DMXL2: variants seen among roughly 807,000 people sequenced by gnomAD.
DMXL2 encodes dmX-like protein 2.
DMXL2 carries 103 observed loss-of-function variants against 331.1 expected under a neutral mutation model. The observed-to-expected ratio is 0.31, with a 90% confidence interval of 0.27 to 0.37. The LOEUF is 0.37. Ranked by LOEUF, DMXL2 falls within the 10% of genes least tolerant of loss-of-function variation. DMXL2 has a pLI of 1.00. For missense variants in DMXL2, 3,171 were observed against 3,642.9 expected, an observed-to-expected ratio of 0.87 and a Z score of 3.33; for synonymous variants, 1,281 against 1,252.1, an observed-to-expected ratio of 1.02 and a Z score of -0.49.
chr15:51,549,361 G>C (rs1428082971), intron 6 of DMXL2, among the ~76,000 whole-genome samples: 1 of 151,990 alleles, frequency 6.6e-6, no homozygotes, highest in South Asian at 2.1e-4. Context: ...TCCACTCATT[G>C]ACTGATGGGC....
chr15:51,497,607 C>T (rs2043274995), intron 18 of DMXL2, among the ~76,000 whole-genome samples: 1 of 152,278 alleles, frequency 6.6e-6, no homozygotes, highest in Admixed American at 6.5e-5. Flanking sequence ...TTTTCAGTTT[C>T]CTTTGCCAAT....
At chr15:51,503,554 T>C (rs1279129187) in intron 16 of DMXL2, among the ~76,000 whole-genome samples, 2 of 152,044 alleles carry the variant, frequency 1.3e-5, no homozygotes, top group African/African-American at 2.4e-5. Context: ...AATAGCATAA[T>C]AGATACCAGA....
intron 13 of DMXL2, among the ~76,000 whole-genome samples, chr15:51,530,170 C>A (rs2047921815): frequency 6.6e-6 from 1 of 152,086 alleles, no homozygotes; most frequent in Non-Finnish European, 1.5e-5. Context: ...AGATCTAGAA[C>A]ACAATAAGGA....
At chr15:51,555,902 A>G (rs1182396462) in intron 6 of DMXL2, among the ~76,000 whole-genome samples, 1 of 152,198 alleles carries the variant, frequency 6.6e-6, no homozygotes, top group East Asian at 1.9e-4. Context: ...AAACTATATC[A>G]ATCTTACATA....
chr15:51,508,471 C>T (rs909713257), intron 15 of DMXL2, among the ~76,000 whole-genome samples: 5 of 152,184 alleles, frequency 3.3e-5, no homozygotes, highest in Non-Finnish European at 5.9e-5. Flanking sequence ...ACAGGACCTA[C>T]TTCAAATGCT....
intron 1 of DMXL2, among the ~76,000 whole-genome samples, chr15:51,578,765 GTAGT>G (rs2051213930): frequency 1.3e-5 from 2 of 152,160 alleles, no homozygotes; most frequent in African/African-American, 4.8e-5. Context: ...TCAGTGAGGA[GTAGT>G]TAAATAAATT....
Position 51,568,523 on chromosome 15 carries a change from A to C in DMXL2, c.249T>G (p.Phe83Leu), listed in dbSNP as rs2050443046. 1 of 1,581,732 alleles carries C rather than the reference A, an allele frequency of 6.3e-7. No individual in the cohort carries two copies. ...TATGAGAATTTATGCCCAAGGGCTC[A>C]AATATACAAACAGCATTACCATATG... Reference protein sequence around the residue: ...AASYGNAVCIFEPLGINSHKR... With the variant: ...AASYGNAVCILEPLGINSHKR... Residue 83 changes from phenylalanine to leucine, a missense_variant, in exon 3 of 44, where the codon TTT (phenylalanine) becomes TTG (leucine). This residue lies in a region of DMXL2 where 1,674 missense variants were observed against 1,780.2 expected (regional missense o/e 0.94). Transcript: ENST00000560891.
In DMXL2 at chr15:51,545,765, C is replaced by A. The variant is rs1443260908; in HGVS notation, c.748G>T (p.Gly250Cys). 6.2e-7 allele frequency: 1 copy of A among 1,600,804 alleles called. No homozygotes were observed. The highest frequency in any genetic ancestry group is 8.5e-7 in the Non-Finnish European group (1 of 1,171,736). Reference sequence around the variant, plus strand: ...GTTAACAACACATTACAGACAGAACCCCTAACAACAAAGAGAAATAAATAA... The same window carrying A: ...GTTAACAACACATTACAGACAGAACACCTAACAACAAAGAGAAATAAATAA... Reference protein sequence around the residue: ...WRKTSKYMPRGSVCNVLLTSC... With the variant: ...WRKTSKYMPRCSVCNVLLTSC... Residue 250 changes from glycine to cysteine, a missense_variant and splice_region_variant, in exon 8 of 44, where the codon GGT (glycine) becomes TGT (cysteine). Around this residue, in one of 7 missense-constraint regions of DMXL2, gnomAD observed 1,674 missense variants for 1,780.2 expected, o/e 0.94. Transcript: ENST00000560891.
Position 51,488,066 on chromosome 15 carries a change from T to A in DMXL2, c.5105A>T (p.Asp1702Val). The A allele has an allele frequency of 6.2e-7, 1 of 1,613,226 alleles. No individual in the cohort carries two copies. The highest frequency in any genetic ancestry group is 1.1e-5 in the South Asian group (1 of 90,812). ...TTTCAAAGCAGCTTTTCGCCATCTA[T>A]CTTCATTAAAGTTGTGGCTGAAAAA... ...TTFFSHNFNE[D>V]RWRKAALKNA... The change falls in exon 22 of 44, where the codon GAT becomes GTT. Residue 1702 changes from aspartate (D) to valine (V), a missense_variant. This residue lies in a region of DMXL2 where 252 missense variants were observed against 387.4 expected (regional missense o/e 0.65). Coordinates refer to ENST00000560891, the MANE Select transcript of DMXL2 (RefSeq NM_001378457.1).
Position 51,532,319 on chromosome 15 carries a change from G to C in DMXL2, c.2436+3344C>G, listed in dbSNP as rs1050143236. Among the ~76,000 whole-genome samples, 3 of 152,162 alleles carry C rather than the reference G, an allele frequency of 2.0e-5. No individual in the cohort carries two copies. In the East Asian group the frequency reaches 5.8e-4, roughly 29 times the overall value. ...TGCATGTCCTCACTTATTTATGGGA[G>C]CTAAAAATCAAAACAACTGGACCCA... is the stretch of plus-strand genomic sequence containing the variant. On this transcript the variant is annotated intron_variant, in intron 13 of 43. Transcript: ENST00000560891.
intron 42 of DMXL2, 180 bp from the exon 43 acceptor site, chr15:51,450,526 T>C: frequency 1.6e-6 from 1 of 631,422 alleles, no homozygotes. Context: ...TGTTAAGCAA[T>C]GTCAGAACAA....
intron 1 of DMXL2, among the ~76,000 whole-genome samples, chr15:51,596,364 C>T (rs2052804111): frequency 6.6e-6 from 1 of 152,160 alleles, no homozygotes; most frequent in South Asian, 2.1e-4. Context: ...ATCAAAACCA[C>T]AATGAGATAC....
Position 51,458,497 on chromosome 15 carries a change from G to C in DMXL2, c.8198+9C>G, listed in dbSNP as rs911254467. ...GAAAACTATATGTAAAAGTGACTAT[G>C]AGACAAACCTTTTGGATTCTCTGTC... On this transcript the variant is annotated intron_variant, in intron 36 of 43. Transcript: ENST00000560891. The C allele has an allele frequency of 2.5e-6, 4 of 1,612,480 alleles. No homozygotes were observed. The highest frequency in any genetic ancestry group is 3.4e-6 in the Non-Finnish European group (4 of 1,179,424).
In DMXL2 at chr15:51,576,057, C is replaced by T; in HGVS notation, c.212G>A (p.Arg71Lys). Residue 71 changes from arginine to lysine, a missense_variant and splice_region_variant, in exon 2 of 44, where the codon AGA becomes AAA. By Grantham distance (26) the Arg-to-Lys change is conservative. Around this residue, in one of 7 missense-constraint regions of DMXL2, gnomAD observed 1,674 missense variants for 1,780.2 expected, o/e 0.94. Transcript: ENST00000560891. ...SCVECSNQQG[R>K]IAASYGNAVC... ...CAGTAAAGAAATTAAATCCCTTACT[C>T]TTCCTTGTTGGTTAGAACACTCCAC... is the stretch of plus-strand genomic sequence containing the variant. The T allele has an allele frequency of 6.2e-7, 1 of 1,603,010 alleles. No homozygotes were observed. Among genetic ancestry groups the T allele is most frequent in the Non-Finnish European group, 8.5e-7 (1 of 1,176,906 alleles).
chr15:51,456,242 T>C, intron 38 of DMXL2, 49 bp from the exon 39 acceptor site: 1 of 1,602,054 alleles, frequency 6.2e-7, no homozygotes, highest in African/African-American at 1.3e-5. Flanking sequence ...AGAGTTCCAA[T>C]ATTTTCTATT....
intron 6 of DMXL2, among the ~76,000 whole-genome samples, chr15:51,557,180 T>C (rs1400190169): frequency 6.6e-6 from 1 of 152,194 alleles, no homozygotes; most frequent in Non-Finnish European, 1.5e-5. Context: ...TTAGAATTAA[T>C]GAGTTTAGTA....
At chr15:51,479,752 A>C (rs1210817650) in intron 25 of DMXL2, among the ~76,000 whole-genome samples, 196 bp downstream of exon 25, 1 of 152,240 alleles carries the variant, frequency 6.6e-6, no homozygotes, top group Non-Finnish European at 1.5e-5. Flanking sequence ...TCTGTCTTAA[A>C]GGAAGACAAT....
chr15:51,484,336 T>C (rs568105132), intron 23 of DMXL2, among the ~76,000 whole-genome samples: 21 of 152,180 alleles, frequency 1.4e-4, no homozygotes, highest in Admixed American at 3.9e-4. Flanking sequence ...GGCTGACCCA[T>C]TGTGTGCACA....
At chr15:51,493,239 C>G (rs55981933) in intron 19 of DMXL2, among the ~76,000 whole-genome samples, 67,163 of 151,680 alleles carry the variant, frequency 0.44, 15,398 homozygotes, top group Non-Finnish European at 0.5. Flanking sequence ...GCTTCAGCAA[C>G]TAATATACGG....
Sources: gnomAD v4.1 joint callset for allele counts (sites outside exome capture counted in the v4.1 genomes callset) on GRCh38, gnomAD v4.1.1 for gene constraint, gnomAD v4.1.1 regional missense constraint, MANE v1.5 for transcripts, NCBI Gene and HGNC (gene_info 2026-07-23, HGNC 2026-07-21) for gene names.